The following TTBK2 variants were observed in gnomAD, a reference collection of about 807,000 sequenced individuals.
TTBK2 encodes the protein tau-tubulin kinase 2.
TTBK2 carries 28 observed loss-of-function variants against 110.8 expected under a neutral mutation model. The observed-to-expected ratio is 0.25, with a 90% CI of 0.19 to 0.35. The LOEUF is 0.35. Ranked by LOEUF, TTBK2 falls within the 10% of genes least tolerant of loss-of-function variation. The pLI is 1.00. For missense variants in TTBK2, 1,369 were observed against 1,500.3 expected (o/e 0.91, Z 1.45); for synonymous variants, 532 against 527.3 (o/e 1.01, Z -0.12).
chr15:42,807,572 CTAATT>C (rs1891522615), intron 9 of TTBK2, among the ~76,000 whole-genome samples: 1 of 141,678 alleles, frequency 7.1e-6, no homozygotes, highest in South Asian at 2.3e-4. Context: ...CCACACCTGG[CTAATT>C]TTTTTTGTTG....
intron 3 of TTBK2, among the ~76,000 whole-genome samples, chr15:42,850,812 T>C (rs1473674703): frequency 6.6e-6 from 1 of 151,994 alleles, no homozygotes; most frequent in African/African-American, 2.4e-5. Flanking sequence ...GTATGACCTG[T>C]GGACTTTTAT....
At chr15:42,809,288 G>A in intron 9 of TTBK2, among the ~76,000 whole-genome samples, 1 of 152,182 alleles carries the variant, frequency 6.6e-6, no homozygotes, top group East Asian at 1.9e-4. Flanking sequence ...GTTATTAAGT[G>A]ATAGAAAAGC....
intron 10 of TTBK2, among the ~76,000 whole-genome samples, chr15:42,785,423 T>C (rs1292671887): frequency 6.6e-6 from 1 of 152,008 alleles, no homozygotes; most frequent in East Asian, 1.9e-4. Flanking sequence ...GCCCGGCCAC[T>C]TGCAGACTTT....
chr15:42,840,507 G>A (rs1315419972), intron 3 of TTBK2, 74 bp from the exon 4 acceptor site: 7 of 1,304,018 alleles, frequency 5.4e-6, no homozygotes, highest in Non-Finnish European at 7.8e-6. Flanking sequence ...TTGCTTTTCT[G>A]TATAGTGTTT....
intron 5 of TTBK2, among the ~76,000 whole-genome samples, chr15:42,829,436 C>T (rs1350687581): frequency 6.6e-6 from 1 of 152,174 alleles, no homozygotes; most frequent in Non-Finnish European, 1.5e-5. Flanking sequence ...GTTTCTTAAC[C>T]AATATATCTA....
At chr15:42,866,860 C>T (rs1894390157) in intron 3 of TTBK2, among the ~76,000 whole-genome samples, 2 of 152,122 alleles carry the variant, frequency 1.3e-5, no homozygotes, top group Admixed American at 6.5e-5. Context: ...AACTATTTCA[C>T]ACTAAATAAA....
At chr15:42,807,870 T>C (rs1327307998) in intron 9 of TTBK2, among the ~76,000 whole-genome samples, 1 of 152,232 alleles carries the variant, frequency 6.6e-6, no homozygotes, top group East Asian at 1.9e-4. Flanking sequence ...ACATTATTTA[T>C]GCACTTATAG....
chr15:42,858,786 G>C (rs1296620624), intron 3 of TTBK2, among the ~76,000 whole-genome samples: 1 of 152,184 alleles, frequency 6.6e-6, no homozygotes, highest in South Asian at 2.1e-4. Context: ...ATTGCTGGAG[G>C]CTAGGTGTCA....
At chr15:42,883,325 C>A (rs953558854) in intron 1 of TTBK2, among the ~76,000 whole-genome samples, 3 of 146,620 alleles carry the variant, frequency 2.0e-5, no homozygotes, top group African/African-American at 7.6e-5. Flanking sequence ...TGCGGTGAGC[C>A]GAAATTGTGC....
At chr15:42,767,212 C>T (rs1488478701) in intron 13 of TTBK2, among the ~76,000 whole-genome samples, 1 of 152,036 alleles carries the variant, frequency 6.6e-6, no homozygotes, top group Non-Finnish European at 1.5e-5. Flanking sequence ...CCTAACATCA[C>T]AATTAAAAGA....
intron 3 of TTBK2, among the ~76,000 whole-genome samples, chr15:42,843,365 T>C (rs1400599567): frequency 1.3e-5 from 2 of 152,202 alleles, no homozygotes; most frequent in East Asian, 1.9e-4. Flanking sequence ...GGGGCCTGAA[T>C]TCTGTTAAGG....
At chr15:42,795,995 T>G (rs1313806277) in intron 9 of TTBK2, among the ~76,000 whole-genome samples, 1 of 152,150 alleles carries the variant, frequency 6.6e-6, no homozygotes, top group Non-Finnish European at 1.5e-5. Context: ...TGATAAGAAC[T>G]GCACATAGAT....
intron 9 of TTBK2, among the ~76,000 whole-genome samples, chr15:42,805,524 C>T (rs1891426252): frequency 6.6e-6 from 1 of 152,046 alleles, no homozygotes. Context: ...CTGACTGCAT[C>T]GAGGGGTCTA....
At chr15:42,869,251 C>G (rs1212678824) in intron 3 of TTBK2, among the ~76,000 whole-genome samples, 1 of 151,860 alleles carries the variant, frequency 6.6e-6, no homozygotes, top group Non-Finnish European at 1.5e-5. Flanking sequence ...CCACGCTTGG[C>G]TAAATTTTGA....
chr15:42,785,779 A>G (rs922451317), intron 10 of TTBK2, among the ~76,000 whole-genome samples: 22 of 151,806 alleles, frequency 1.4e-4, no homozygotes, highest in African/African-American at 5.3e-4. Flanking sequence ...ACTGAACACA[A>G]TACTTAGCAC....
chr15:42,767,712 A>G (rs1233959943), intron 13 of TTBK2, among the ~76,000 whole-genome samples: 3 of 152,224 alleles, frequency 2.0e-5, no homozygotes, highest in Admixed American at 2.0e-4. Flanking sequence ...ATTCTTTCTG[A>G]AACTATTCCA....
At chr15:42,840,220 T>G in intron 4 of TTBK2, 140 bp downstream of exon 4, 1 of 810,314 alleles carries the variant, frequency 1.2e-6, no homozygotes, top group Non-Finnish European at 2.1e-6. Context: ...TCAAGTCTGT[T>G]TAAATACAGT....
intron 11 of TTBK2, among the ~76,000 whole-genome samples, chr15:42,778,158 T>C (rs368398842): frequency 6.6e-6 from 1 of 151,908 alleles, no homozygotes; most frequent in Non-Finnish European, 1.5e-5. Context: ...ATATAAAATA[T>C]AGACCAGCTA....
chr15:42,754,050 T>A (rs1213046370), intron 13 of TTBK2, among the ~76,000 whole-genome samples: 1 of 152,038 alleles, frequency 6.6e-6, no homozygotes, highest in Non-Finnish European at 1.5e-5. Context: ...CATACAAAGG[T>A]ATTTACTAAT....
Sources: allele counts gnomAD v4.1 joint callset (sites outside exome capture counted in the v4.1 genomes callset), GRCh38; gene constraint gnomAD v4.1.1; transcripts MANE v1.5; gene names NCBI Gene and HGNC (gene_info 2026-07-23, HGNC 2026-07-21).